Variants in RALY observed in about 807,000 individuals in gnomAD.
The protein encoded by RALY is RALY heterogeneous nuclear ribonucleoprotein.
A neutral mutation model predicts 30.7 loss-of-function variants in RALY; 15 were observed. That is an observed-to-expected ratio of 0.49 (90% CI 0.33 to 0.75). The LOEUF is 0.75. Among genes scored for constraint, RALY ranks in the 30% least tolerant of loss-of-function variants. The probability of loss-of-function intolerance (pLI) is 0.02; values close to 1 mark genes in which losing one functional copy is unlikely to be tolerated. For synonymous variants in RALY, 177 were observed against 170.8 expected (o/e 1.04, Z -0.28); for missense variants, 339 against 414.3 (o/e 0.82, Z 1.58).
chr20:34,025,214 G>A (rs1010829623), intron 1 of RALY, among the ~76,000 whole-genome samples: 6 of 152,134 alleles, frequency 3.9e-5, no homozygotes, highest in Non-Finnish European at 8.8e-5. Flanking sequence ...TGGTGCCTTG[G>A]TTGCCACCCC....
At chr20:34,066,727 T>C (rs2033584413) in intron 2 of RALY, among the ~76,000 whole-genome samples, 2 of 151,680 alleles carry the variant, frequency 1.3e-5, no homozygotes, top group Admixed American at 1.3e-4. Flanking sequence ...AAACTCATTC[T>C]TGAGGTCTTT....
At chr20:34,041,508 C>T (rs914106212) in intron 2 of RALY, among the ~76,000 whole-genome samples, 4 of 152,166 alleles carry the variant, frequency 2.6e-5, no homozygotes, top group Non-Finnish European at 4.4e-5. Flanking sequence ...TGGCGTTGGG[C>T]GTACCCAGTC....
At chr20:34,020,299 G>C (rs2031772159) in intron 1 of RALY, among the ~76,000 whole-genome samples, 1 of 152,212 alleles carries the variant, frequency 6.6e-6, no homozygotes, top group Non-Finnish European at 1.5e-5. Context: ...CATTGGCAAA[G>C]ACTTCTCCCA....
rs776661234 is a variant in RALY at position 34,077,075 on chromosome 20, G to C, written c.706G>C (p.Gly236Arg). 42 of 1,605,450 alleles carry C rather than the reference G, an allele frequency of 2.6e-5. No homozygotes were observed. The highest frequency in any genetic ancestry group is 3.5e-5 in the Non-Finnish European group (41 of 1,176,198). The change falls in exon 8 of 10, where the codon GGT becomes CGT. Residue 236 changes from glycine to arginine, a missense_variant. Physicochemically the swap from Gly to Arg is moderately radical, Grantham distance 125. Around this residue, in one of 2 missense-constraint regions of RALY, gnomAD observed 268 missense variants for 280.6 expected, o/e 0.95. Coordinates refer to ENST00000246194, the MANE Select transcript of RALY (RefSeq NM_016732.3). ...AGGTGGCGCCGGCGGCGGCGGCGGTGGTGGTGGCAGCGGTGGCGGTGGCAG... is the reference window on the plus strand; with the variant it reads ...AGGTGGCGCCGGCGGCGGCGGCGGTCGTGGTGGCAGCGGTGGCGGTGGCAG... ...DGGGAGGGGG[G>R]GGSGGGGSGG... is the part of the protein sequence containing the mutation.
intron 2 of RALY, among the ~76,000 whole-genome samples, chr20:34,068,796 T>A (rs2033648120): frequency 6.6e-6 from 1 of 152,150 alleles, no homozygotes; most frequent in South Asian, 2.1e-4. Flanking sequence ...CCCACCTCTA[T>A]CCCTCACTTA....
intron 2 of RALY, among the ~76,000 whole-genome samples, chr20:34,057,821 G>A (rs996909113): frequency 6.6e-6 from 1 of 152,136 alleles, no homozygotes; most frequent in Non-Finnish European, 1.5e-5. Flanking sequence ...GAGGCCAAAT[G>A]AGGAGGGCGT....
chr20:33,999,352 C>T (rs1481781360), intron 1 of RALY, among the ~76,000 whole-genome samples: 2 of 152,054 alleles, frequency 1.3e-5, no homozygotes, highest in Admixed American at 1.3e-4. Context: ...TCACTTACCT[C>T]TGGTTATGGA....
chr20:34,066,628 G>C (rs898495707), intron 2 of RALY, among the ~76,000 whole-genome samples: 2 of 151,830 alleles, frequency 1.3e-5, no homozygotes, highest in African/African-American at 4.8e-5. Flanking sequence ...AGGCCTCAAA[G>C]GATCCTCCCA....
intron 1 of RALY, among the ~76,000 whole-genome samples, chr20:33,998,283 G>A (rs557816428): frequency 6.6e-6 from 1 of 152,304 alleles, no homozygotes; most frequent in Non-Finnish European, 1.5e-5. Context: ...TGGAAGGTCA[G>A]GGAAGGCTTT....
At chr20:34,023,830 C>T (rs565337298) in intron 1 of RALY, among the ~76,000 whole-genome samples, 10 of 151,578 alleles carry the variant, frequency 6.6e-5, no homozygotes, top group African/African-American at 1.9e-4. Context: ...TATAGAATAA[C>T]TTTGGAGGGG....
At chr20:34,034,473 T>C (rs763330343) in intron 2 of RALY, among the ~76,000 whole-genome samples, 4 of 152,238 alleles carry the variant, frequency 2.6e-5, no homozygotes, top group Admixed American at 1.3e-4. Flanking sequence ...TTGGATCTTA[T>C]ATGCTTCCTG....
chr20:34,072,427 C>T (rs1044449067), intron 3 of RALY, 97 bp downstream of exon 3: 2 of 1,394,906 alleles, frequency 1.4e-6, no homozygotes, highest in African/African-American at 2.9e-5. Flanking sequence ...TCACCGCTAC[C>T]ACTGCTCTGA....
intron 1 of RALY, among the ~76,000 whole-genome samples, chr20:34,016,266 C>T (rs1453738244): frequency 6.6e-6 from 1 of 152,214 alleles, no homozygotes; most frequent in Non-Finnish European, 1.5e-5. Flanking sequence ...TCTTTGCTGA[C>T]AGCCAAGCTA....
At chr20:34,073,978 T>C in intron 5 of RALY, 112 bp downstream of exon 5, 1 of 1,200,692 alleles carries the variant, frequency 8.3e-7, no homozygotes, top group South Asian at 1.4e-5. Context: ...ACCCAGAGGT[T>C]TGCCTGGGGT....
chr20:34,072,260 C>T lies in RALY; in HGVS notation c.186C>T (p.Tyr62=), dbSNP rs2033747201. The change falls in exon 3 of 10, where the codon TAC becomes TAT. Residue 62 remains tyrosine (Y), a synonymous_variant. Coordinates refer to ENST00000246194, the MANE Select transcript of RALY (RefSeq NM_016732.3). ...SVHKGYAFVQ[Y]SNERHARAAV... The stretch of plus-strand genomic sequence containing the variant: ...ACAAGGGCTATGCCTTTGTTCAGTA[C>T]TCCAATGAGCGCCATGCCCGGGCAG... The T allele has an allele frequency of 1.2e-6, 2 of 1,614,176 alleles. No individual in the cohort carries two copies. Among genetic ancestry groups the T allele is most frequent in the Non-Finnish European group, 1.7e-6 (2 of 1,180,046 alleles).
chr20:34,029,038 T>C (rs1340299046), intron 1 of RALY, among the ~76,000 whole-genome samples: 1 of 151,786 alleles, frequency 6.6e-6, no homozygotes, highest in African/African-American at 2.4e-5. Flanking sequence ...ATAGGAGGGG[T>C]AGGGGAGACT....
At chr20:34,050,040 C>T (rs1242219354) in intron 2 of RALY, among the ~76,000 whole-genome samples, 1 of 152,202 alleles carries the variant, frequency 6.6e-6, no homozygotes, top group Admixed American at 6.5e-5. Flanking sequence ...ATCATGTGCG[C>T]CCGTGCTCCC....
intron 2 of RALY, among the ~76,000 whole-genome samples, chr20:34,041,548 C>G (rs943500545): frequency 2.0e-5 from 3 of 152,172 alleles, no homozygotes; most frequent in Admixed American, 6.5e-5. Flanking sequence ...GGCCCTTAGT[C>G]TCTGTCTTTT....
At chr20:34,025,524 G>A (rs1429683117) in intron 1 of RALY, among the ~76,000 whole-genome samples, 1 of 151,804 alleles carries the variant, frequency 6.6e-6, no homozygotes, top group Non-Finnish European at 1.5e-5. Context: ...GGCTGGTGTC[G>A]AACTCCTGAC....
Sources: gnomAD v4.1 joint callset for allele counts (sites outside exome capture counted in the v4.1 genomes callset) on GRCh38, gnomAD v4.1.1 for gene constraint, gnomAD v4.1.1 regional missense constraint, MANE v1.5 for transcripts, NCBI Gene and HGNC (gene_info 2026-07-23, HGNC 2026-07-21) for gene names.